Variants in SYTL5 observed in about 807,000 individuals in gnomAD.
SYTL5 encodes synaptotagmin-like protein 5.
SYTL5 carries 34 observed loss-of-function variants against 55.9 expected under a neutral mutation model. The ratio of observed to expected loss-of-function variants is 0.61; its 90% CI spans 0.46 to 0.81. SYTL5 has a LOEUF of 0.81. SYTL5 is among the 30% of genes least tolerant of loss of function. The pLI is 0.00. For synonymous variants in SYTL5, 221 were observed against 188.7 expected (o/e 1.17, Z -1.40); for missense variants, 637 against 546.7 (o/e 1.17, Z -1.65).
chrX:37,960,456 T>A, the SYTL5 span, among the ~76,000 whole-genome samples: 1 of 112,262 alleles, frequency 8.9e-6, no homozygotes, highest in African/African-American at 3.2e-5. Context: ...CTATTCCAGT[T>A]CATCACTCTT....
chrX:38,015,431 C>A (rs1934318282), intron 1 of SYTL5, among the ~76,000 whole-genome samples: 1 of 111,766 alleles, frequency 8.9e-6, no homozygotes, highest in Admixed American at 9.5e-5. Context: ...ATTATCTCCA[C>A]CCTGTATGAA....
At chrX:37,954,669 A>G in the SYTL5 span, among the ~76,000 whole-genome samples, 13 of 111,967 alleles carry the variant, frequency 1.2e-4, no homozygotes, top group African/African-American at 3.9e-4. Flanking sequence ...TCAAAACATA[A>G]CAGATGTTTC....
At chrX:38,101,252 G>A (rs1391867981) in intron 9 of SYTL5, among the ~76,000 whole-genome samples, 1 of 111,127 alleles carries the variant, frequency 9.0e-6, no homozygotes, top group Non-Finnish European at 1.9e-5. Context: ...GAAGGGGCTT[G>A]TGATATGGAC....
At chrX:38,125,562 C>T (rs1937626782) in intron 16 of SYTL5, 56 bp downstream of exon 16, 8 of 978,325 alleles carry the variant, frequency 8.2e-6, no homozygotes, top group Non-Finnish European at 1.2e-5. Context: ...GGTGGGGGCG[C>T]TATTCTTGCA....
At chrX:38,119,392 A>G (rs766257712) in intron 13 of SYTL5, among the ~76,000 whole-genome samples, 1 of 111,987 alleles carries the variant, frequency 8.9e-6, no homozygotes, top group South Asian at 3.7e-4. Flanking sequence ...CCATCTCTAT[A>G]ATTTTGTCAT....
the SYTL5 span, among the ~76,000 whole-genome samples, chrX:37,957,242 T>C: frequency 8.9e-6 from 1 of 111,859 alleles, no homozygotes; most frequent in Admixed American, 9.5e-5. Flanking sequence ...TTGCCTTTTA[T>C]CTGTTGTTTC....
chrX:38,106,559 C>T, intron 10 of SYTL5, 34 bp from the exon 11 acceptor site: 1 of 1,123,288 alleles, frequency 8.9e-7, no homozygotes, highest in East Asian at 3.1e-5. Flanking sequence ...ATTAGAATGA[C>T]ACTAGAAGCC....
intron 1 of SYTL5, among the ~76,000 whole-genome samples, chrX:38,026,940 C>A (rs757668934): frequency 4.5e-5 from 5 of 112,218 alleles, no homozygotes; most frequent in Non-Finnish European, 9.4e-5. Flanking sequence ...ACACCTCTGA[C>A]ATTTTCCCCT....
rs373055849 is a variant in SYTL5 at position 38,031,112 on chromosome X, C to CA, written c.-356-2420dup. ...TAAGGTACCCTTCTCCATTATAGAA[C>CA]AACACAGAAAGACAAATTTATAACA... On this transcript the variant is annotated intron_variant, in intron 1 of 16. Coordinates refer to ENST00000297875, the MANE Select transcript of SYTL5 (RefSeq NM_138780.3). Among the ~76,000 whole-genome samples, 346 of 111,183 alleles carry CA rather than the reference C, an allele frequency of 3.1e-3. 1 individual carries two copies. The highest frequency in any genetic ancestry group is 0.01 in the African/African-American group (317 of 30,587).
chrX:37,956,368 A>G, the SYTL5 span, among the ~76,000 whole-genome samples: 6 of 112,367 alleles, frequency 5.3e-5, no homozygotes, highest in Admixed American at 9.5e-5. Context: ...TACTATAGGC[A>G]CAACGTTGTA....
the SYTL5 span, among the ~76,000 whole-genome samples, chrX:37,995,084 G>A: frequency 9.1e-6 from 1 of 110,183 alleles, no homozygotes; most frequent in African/African-American, 3.3e-5. Flanking sequence ...TGCCGGCCCT[G>A]TGGGGAGGAA....
At chrX:38,011,361 G>A (rs1485755848) in intron 1 of SYTL5, among the ~76,000 whole-genome samples, 2 of 111,760 alleles carry the variant, frequency 1.8e-5, no homozygotes, top group East Asian at 5.6e-4. Context: ...GCCGGGCGCG[G>A]TGGCTCACGC....
chrX:37,946,425 C>A, the SYTL5 span: 3 of 216,680 alleles, frequency 1.4e-5, no homozygotes, highest in South Asian at 6.1e-5. Context: ...GTTTCAAGCT[C>A]CATTTGGAAT....
the SYTL5 span, among the ~76,000 whole-genome samples, chrX:37,891,477 G>A: frequency 2.7e-5 from 3 of 111,636 alleles, no homozygotes; most frequent in Admixed American, 9.5e-5. Flanking sequence ...CTGGAGGATT[G>A]GAAAAATGAG....
the SYTL5 span, among the ~76,000 whole-genome samples, chrX:37,953,068 T>G: frequency 0.36 from 39,886 of 110,392 alleles, 5,219 homozygotes; most frequent in East Asian, 0.6. Flanking sequence ...ATATTCACTC[T>G]GGAGCGAGTT....
At chrX:37,939,980 C>T in the SYTL5 span, among the ~76,000 whole-genome samples, 255 of 110,400 alleles carry the variant, frequency 2.3e-3, 6 homozygotes, top group South Asian at 0.065. Context: ...TACAGGCGTG[C>T]GCCACCATGC....
At chrX:38,017,618 C>A (rs1354097011) in intron 1 of SYTL5, among the ~76,000 whole-genome samples, 1 of 109,053 alleles carries the variant, frequency 9.2e-6, no homozygotes, top group African/African-American at 3.4e-5. Flanking sequence ...TCTCATGGCC[C>A]GATAACGAGA....
the SYTL5 span, among the ~76,000 whole-genome samples, chrX:37,918,938 TGTGA>T: frequency 2.1e-5 from 2 of 95,124 alleles, no homozygotes; most frequent in South Asian, 4.5e-4. Flanking sequence ...GTCTGGAAAG[TGTGA>T]GTGAGTGTGT....
intron 1 of SYTL5, among the ~76,000 whole-genome samples, chrX:38,020,408 CAT>C (rs59575156): frequency 0.087 from 5,046 of 58,181 alleles, 162 homozygotes; most frequent in Admixed American, 0.15. Context: ...TATGTGTGTG[CAT>C]ATATATATAT....
Sources: allele counts gnomAD v4.1 joint callset (sites outside exome capture counted in the v4.1 genomes callset), GRCh38; gene constraint gnomAD v4.1.1; transcripts MANE v1.5; gene names NCBI Gene and HGNC (gene_info 2026-07-23, HGNC 2026-07-21).